The following GRID2 variants were observed in gnomAD, a reference collection of about 807,000 sequenced individuals.
GRID2 encodes the protein glutamate receptor ionotropic, delta-2.
Under a neutral mutation model 114.8 loss-of-function variants are expected in GRID2, and 33 were observed. That is an observed-to-expected ratio of 0.29 (90% CI 0.22 to 0.38). The LOEUF is 0.38. Among genes scored for constraint, GRID2 ranks in the 10% least tolerant of loss-of-function variants. GRID2 has a pLI of 1.00. For missense variants in GRID2, 1,184 were observed against 1,257.7 expected (o/e 0.94, Z 0.89); for synonymous variants, 505 against 449.9 (o/e 1.12, Z -1.55).
intron 1 of GRID2, among the ~76,000 whole-genome samples, chr4:92,484,947 A>G (rs1722792187): frequency 6.6e-6 from 1 of 152,090 alleles, no homozygotes; most frequent in African/African-American, 2.4e-5. Context: ...ATGGAGGATT[A>G]CATGGAAAAC....
intron 13 of GRID2, among the ~76,000 whole-genome samples, chr4:93,521,285 C>T (rs1056935751): frequency 7.2e-5 from 11 of 151,986 alleles, no homozygotes; most frequent in African/African-American, 2.4e-4. Context: ...ATATTTAAGG[C>T]CACAAGGCTG....
At chr4:92,948,268 A>G (rs1324466822) in intron 2 of GRID2, among the ~76,000 whole-genome samples, 1 of 151,900 alleles carries the variant, frequency 6.6e-6, no homozygotes, top group Non-Finnish European at 1.5e-5. Context: ...TTTGTTTGGA[A>G]TAGAAGTTTT....
intron 8 of GRID2, among the ~76,000 whole-genome samples, chr4:93,391,627 A>C (rs1764860917): frequency 6.6e-6 from 1 of 152,154 alleles, no homozygotes; most frequent in African/African-American, 2.4e-5. Flanking sequence ...TTGAGCATAA[A>C]ATTAAAATCG....
chr4:93,682,597 A>C (rs1725673209), intron 14 of GRID2, among the ~76,000 whole-genome samples: 1 of 152,180 alleles, frequency 6.6e-6, no homozygotes, highest in Admixed American at 6.5e-5. Flanking sequence ...AATACTATGC[A>C]GCCATAAAAA....
rs181987738 is a variant in GRID2, at chr4:92,726,295, A to G, written c.244+136009A>G. On this transcript the variant is annotated intron_variant, in intron 2 of 15. Coordinates refer to ENST00000282020, the MANE Select transcript of GRID2 (RefSeq NM_001510.4). ...TATGTGCAGGCATTAAGTTTATTAC[A>G]CCAGCCTTACCACAAACACATAAGT... Among the ~76,000 whole-genome samples the G allele has an allele frequency of 6.6e-5, 10 of 152,252 alleles. No individual in the cohort carries two copies. The East Asian group carries it at 1.7e-3, about 27-fold the overall frequency.
In GRID2 at chr4:92,642,999, GC is replaced by G. The variant is rs201870625; in HGVS notation, c.244+52715del. 7.4e-4 allele frequency among the ~76,000 whole-genome samples: 112 copies of G among 151,838 alleles called. 1 individual carries two copies. The East Asian group carries it at 0.02, about 27-fold the overall frequency. The stretch of plus-strand genomic sequence containing the variant: ...AATACCATGCTATTTGGTTACTGTA[GC>G]CTTATAGTATAGTTTGACGTTAAGT... On this transcript the variant is annotated intron_variant, in intron 2 of 15. Coordinates refer to ENST00000282020, the MANE Select transcript of GRID2 (RefSeq NM_001510.4).
chr4:92,504,774 C>T (rs932717020), intron 1 of GRID2, among the ~76,000 whole-genome samples: 4 of 151,886 alleles, frequency 2.6e-5, no homozygotes, highest in East Asian at 1.9e-4. Flanking sequence ...TCATTAAAAT[C>T]GTACCTTTTC....
In GRID2 at chr4:93,618,944, A is replaced by T. The variant is rs569288042; in HGVS notation, c.2194-7325A>T. On this transcript the variant is annotated intron_variant, in intron 13 of 15. Coordinates refer to ENST00000282020, the MANE Select transcript of GRID2 (RefSeq NM_001510.4). ...TTCCTAGAATGCTTTTAAAAACTTTAAAAAATATATTTAGTATTCCTGATA... is the reference window on the plus strand; with the variant it reads ...TTCCTAGAATGCTTTTAAAAACTTTTAAAAATATATTTAGTATTCCTGATA... Among the ~76,000 whole-genome samples the T allele has an allele frequency of 2.6e-5, 4 of 152,348 alleles. No individual in the cohort carries two copies. The East Asian group carries it at 5.8e-4, about 22-fold the overall frequency.
intron 2 of GRID2, among the ~76,000 whole-genome samples, chr4:92,843,261 A>G (rs1268978638): frequency 6.6e-6 from 1 of 151,966 alleles, no homozygotes; most frequent in Non-Finnish European, 1.5e-5. Flanking sequence ...ATAAAATAAT[A>G]AAATAAAAAC....
chr4:92,854,708 G>A (rs960969005), intron 2 of GRID2, among the ~76,000 whole-genome samples: 13 of 151,726 alleles, frequency 8.6e-5, no homozygotes, highest in African/African-American at 3.1e-4. Flanking sequence ...ACAAGTGCAG[G>A]ATAATATATT....
At chr4:92,432,465 G>A (rs1732509289) in intron 1 of GRID2, among the ~76,000 whole-genome samples, 1 of 151,932 alleles carries the variant, frequency 6.6e-6, no homozygotes, top group African/African-American at 2.4e-5. Context: ...GAAAGACAAT[G>A]GCTTTCCCAC....
At chr4:92,331,072 A>G (rs1726858960) in intron 1 of GRID2, among the ~76,000 whole-genome samples, 1 of 152,190 alleles carries the variant, frequency 6.6e-6, no homozygotes, top group Non-Finnish European at 1.5e-5. Flanking sequence ...TCCTACTTGT[A>G]GTTCATAGGA....
intron 1 of GRID2, among the ~76,000 whole-genome samples, chr4:92,492,096 G>T (rs1299875835): frequency 2.0e-5 from 3 of 152,032 alleles, no homozygotes; most frequent in Non-Finnish European, 2.9e-5. Flanking sequence ...ATCCTAAAAG[G>T]CTTTGTATGC....
intron 1 of GRID2, among the ~76,000 whole-genome samples, chr4:92,523,871 T>C (rs1460494223): frequency 6.6e-6 from 1 of 151,906 alleles, no homozygotes; most frequent in African/African-American, 2.4e-5. Flanking sequence ...GTAGCTTTGG[T>C]TGTGGGCAAA....
chr4:93,768,364 C>A (rs1733843460), intron 14 of GRID2, among the ~76,000 whole-genome samples: 1 of 152,172 alleles, frequency 6.6e-6, no homozygotes, highest in South Asian at 2.1e-4. Context: ...TCTAGGCTGG[C>A]CTCAGGTAGA....
rs113594102 is a variant in GRID2, at chr4:92,415,710, ATGTG to A, written c.88+110986_88+110989del. Reference sequence around the variant, plus strand: ...TGTATGTGTGTGTGCATGCGCATGTATGTGTGTGTGTGTGTGTGTGTGTATGTGT... The same window carrying A: ...TGTATGTGTGTGTGCATGCGCATGTATGTGTGTGTGTGTGTGTGTATGTGT... On this transcript the variant is annotated intron_variant, in intron 1 of 15. Coordinates refer to ENST00000282020, the MANE Select transcript of GRID2 (RefSeq NM_001510.4). Among the ~76,000 whole-genome samples, 311 of 107,504 alleles carry A rather than the reference ATGTG, an allele frequency of 2.9e-3. 2 individuals carry two copies. Among genetic ancestry groups the A allele is most frequent in the Middle Eastern group, 0.011 (2 of 180 alleles). 70.5% of individuals were successfully genotyped at this position (107,504 alleles called of 152,430 possible).
chr4:92,516,641 A>G (rs1560683492), intron 1 of GRID2, among the ~76,000 whole-genome samples: 2 of 151,746 alleles, frequency 1.3e-5, no homozygotes, highest in Non-Finnish European at 2.9e-5. Context: ...CACGTCTGTG[A>G]TTCTGTGCAT....
intron 8 of GRID2, among the ~76,000 whole-genome samples, chr4:93,350,743 C>T (rs1760718296): frequency 6.6e-6 from 1 of 151,950 alleles, no homozygotes; most frequent in Non-Finnish European, 1.5e-5. Context: ...AGCATCATAC[C>T]TAGTAATCAG....
chr4:92,772,265 A>G (rs1050525900), intron 2 of GRID2, among the ~76,000 whole-genome samples: 2 of 152,184 alleles, frequency 1.3e-5, no homozygotes, highest in Admixed American at 6.5e-5. Context: ...TGAAATGGAT[A>G]TTGGAGCCAG....
Sources: allele counts gnomAD v4.1 joint callset (sites outside exome capture counted in the v4.1 genomes callset), GRCh38; gene constraint gnomAD v4.1.1; transcripts MANE v1.5; gene names NCBI Gene and HGNC (gene_info 2026-07-23, HGNC 2026-07-21).